Variants in ACSL4 observed in about 807,000 individuals in gnomAD.
The protein encoded by ACSL4 is long-chain-fatty-acid--CoA ligase 4.
ACSL4 carries 9 observed loss-of-function variants against 49.1 expected under a neutral mutation model. That is an observed-to-expected ratio of 0.18 (90% CI 0.11 to 0.32). ACSL4 has a LOEUF of 0.32. ACSL4 is among the 10% of genes least tolerant of loss of function. The probability of loss-of-function intolerance (pLI) is 1.00; values close to 1 mark genes in which losing one functional copy is unlikely to be tolerated. For synonymous variants in ACSL4, 191 were observed against 170.3 expected (o/e 1.12, Z -0.95); for missense variants, 333 against 493.7 (o/e 0.67, Z 3.08).
At chrX:109,677,879 CAAGGAGAA>C in intron 8 of ACSL4, 101 bp downstream of exon 8, 1 of 1,080,093 alleles carries the variant, frequency 9.3e-7, no homozygotes, top group Non-Finnish European at 1.3e-6. Context: ...ATTTTGAGGT[CAAGGAGAA>C]AGCTTTAGCT....
At chrX:109,670,463 T>C (rs931734244) in intron 9 of ACSL4, among the ~76,000 whole-genome samples, 3 of 108,277 alleles carry the variant, frequency 2.8e-5, no homozygotes, top group African/African-American at 1.0e-4. Context: ...CAGGCGCCTA[T>C]AATCCCAGCT....
intron 1 of ACSL4, among the ~76,000 whole-genome samples, chrX:109,712,316 C>T (rs1257452035): frequency 9.0e-6 from 1 of 111,470 alleles, no homozygotes; most frequent in Non-Finnish European, 1.9e-5. Flanking sequence ...CCAGGCTGGT[C>T]TCAAAACTTC....
intron 2 of ACSL4, among the ~76,000 whole-genome samples, chrX:109,685,916 A>G (rs1402968116): frequency 1.8e-5 from 2 of 111,598 alleles, no homozygotes. Flanking sequence ...TGAACTTCAA[A>G]GGGCAACAAC....
chrX:109,668,401 T>C, intron 10 of ACSL4, 128 bp from the exon 11 acceptor site: 1 of 572,761 alleles, frequency 1.7e-6, no homozygotes, highest in Non-Finnish European at 2.6e-6. Flanking sequence ...ACGGTGAGAA[T>C]GAGAGGTTAA....
intron 8 of ACSL4, among the ~76,000 whole-genome samples, chrX:109,677,306 C>T (rs1199492701): frequency 3.6e-5 from 4 of 109,815 alleles, no homozygotes; most frequent in South Asian, 8.1e-4. Flanking sequence ...CTGTATCAGA[C>T]GGTACTGCTC....
intron 1 of ACSL4, among the ~76,000 whole-genome samples, chrX:109,724,567 T>C (rs1276734883): frequency 9.0e-6 from 1 of 111,381 alleles, no homozygotes; most frequent in African/African-American, 3.3e-5. Context: ...CCACCTCAGC[T>C]TCCCCAGTAG....
chrX:109,727,657 T>TTGTGTGTGTGTGTG (rs35186119), intron 1 of ACSL4, among the ~76,000 whole-genome samples: 17 of 88,412 alleles, frequency 1.9e-4, no homozygotes, highest in Non-Finnish European at 2.8e-4. Context: ...GTTTGTTAAA[T>TTGTGTGTGTGTGTG]TGTGTGTGTG....
At chrX:109,703,512 C>T (rs1926118668) in intron 1 of ACSL4, among the ~76,000 whole-genome samples, 1 of 111,373 alleles carries the variant, frequency 9.0e-6, no homozygotes, top group African/African-American at 3.3e-5. Flanking sequence ...TTTCATATTC[C>T]CACCGGCAGT....
Position 109,643,951 on chromosome X carries a change from T to G in ACSL4, c.*78A>C. Reference sequence around the variant, plus strand: ...ATGATATACCTTACATTCTAACAGTTCAACAAAGGCTTAAAATTCTAGAGG... The same window carrying G: ...ATGATATACCTTACATTCTAACAGTGCAACAAAGGCTTAAAATTCTAGAGG... On this transcript the variant is annotated 3_prime_UTR_variant, in exon 16 of 16. Transcript: ENST00000672401. 2.8e-6 allele frequency: 3 copies of G among 1,088,661 alleles called. No homozygotes were observed. Among genetic ancestry groups the G allele is most frequent in the South Asian group, 3.7e-5 (2 of 54,338 alleles). The allele number at this position is 1,088,661 out of a possible 1,213,427, so 89.7% of individuals were successfully genotyped here.
chrX:109,662,435 T>C (rs762641378), intron 13 of ACSL4, among the ~76,000 whole-genome samples: 5 of 111,503 alleles, frequency 4.5e-5, no homozygotes, highest in Non-Finnish European at 7.5e-5. Flanking sequence ...TCAGGTCAGA[T>C]ATCGTGAGGT....
chrX:109,664,418 C>G (rs945802089), intron 12 of ACSL4, among the ~76,000 whole-genome samples: 5 of 111,829 alleles, frequency 4.5e-5, no homozygotes, highest in African/African-American at 9.8e-5. Flanking sequence ...GTCCAAAACA[C>G]ATACACACAA....
intron 15 of ACSL4, among the ~76,000 whole-genome samples, chrX:109,647,614 C>T (rs1347545856): frequency 9.0e-6 from 1 of 111,173 alleles, no homozygotes; most frequent in African/African-American, 3.3e-5. Context: ...ATTAAAAGAA[C>T]TAGAGAAGCA....
chrX:109,644,849 G>A (rs1034303728), intron 15 of ACSL4, among the ~76,000 whole-genome samples: 13 of 113,178 alleles, frequency 1.1e-4, no homozygotes, highest in African/African-American at 3.2e-4. Flanking sequence ...GAAGCAGGGC[G>A]AGGCATTGCC....
At chrX:109,650,274 A>T (rs1156802891) in intron 15 of ACSL4, among the ~76,000 whole-genome samples, 13 of 110,554 alleles carry the variant, frequency 1.2e-4, no homozygotes, top group Admixed American at 1.2e-3. Flanking sequence ...CTTGGAACCA[A>T]CCCAAATGTC....
chrX:109,705,133 T>C (rs1319100166), intron 1 of ACSL4, among the ~76,000 whole-genome samples: 2 of 112,055 alleles, frequency 1.8e-5, no homozygotes, highest in African/African-American at 6.5e-5. Flanking sequence ...AAATGAGGGA[T>C]GGGTCATTAA....
At chrX:109,686,041 C>G (rs1924580665) in intron 2 of ACSL4, among the ~76,000 whole-genome samples, 1 of 111,591 alleles carries the variant, frequency 9.0e-6, no homozygotes, top group Admixed American at 9.6e-5. Context: ...TCTGGTCATT[C>G]ATTTCTTCAA....
chrX:109,729,388 G>A (rs1928257381), intron 1 of ACSL4, among the ~76,000 whole-genome samples: 2 of 111,561 alleles, frequency 1.8e-5, no homozygotes, highest in African/African-American at 6.5e-5. Flanking sequence ...AAACTAGGAG[G>A]ATATATTACT....
At chrX:109,720,446 CT>C (rs759787291) in intron 1 of ACSL4, among the ~76,000 whole-genome samples, 1 of 111,597 alleles carries the variant, frequency 9.0e-6, no homozygotes, top group Non-Finnish European at 1.9e-5. Flanking sequence ...CATAAAAATC[CT>C]GGCCTTAATA....
chrX:109,674,725 G>A (rs762775783), intron 8 of ACSL4, among the ~76,000 whole-genome samples: 2 of 112,363 alleles, frequency 1.8e-5, no homozygotes, highest in African/African-American at 3.2e-5. Flanking sequence ...GAATGACATT[G>A]TGATGAATCA....
Sources: gnomAD v4.1 joint callset for allele counts (sites outside exome capture counted in the v4.1 genomes callset) on GRCh38, gnomAD v4.1.1 for gene constraint, MANE v1.5 for transcripts, NCBI Gene and HGNC (gene_info 2026-07-23, HGNC 2026-07-21) for gene names.